The following ARSL variants were observed in gnomAD, a reference collection of about 807,000 sequenced individuals.
ARSL encodes the protein arylsulfatase L.
Under a neutral mutation model 31.1 loss-of-function variants are expected in ARSL, and 4 were observed. The observed-to-expected ratio is 0.13, with a 90% CI of 0.06 to 0.29. The LOEUF (loss-of-function observed/expected upper bound fraction) is 0.29. Ranked by LOEUF, ARSL falls within the 10% of genes least tolerant of loss-of-function variation. ARSL has a pLI of 1.00. For missense variants in ARSL, 312 were observed against 497.8 expected (o/e 0.63, Z 3.55); for synonymous variants, 198 against 209.9 (o/e 0.94, Z 0.49).
At position 2,934,724 on chromosome X, in the gene ARSL, T is replaced by C. The variant is rs1260492166; in HGVS notation, c.*108A>G. 1.7e-5 allele frequency: 12 copies of C among 706,000 alleles called. No individual in the cohort carries two copies. Among genetic ancestry groups the C allele is most frequent in the Non-Finnish European group, 2.6e-5 (12 of 468,059 alleles). The allele number at this position is 706,000 out of a possible 1,213,427, so 58.2% of individuals were successfully genotyped here. The stretch of plus-strand genomic sequence containing the variant: ...TTTGATCACGGGAGTGATCCTCCTG[T>C]GGTGGCCTCCTAAAGTGCTGGGATG... On this transcript the variant is annotated 3_prime_UTR_variant, in exon 11 of 11. Coordinates refer to ENST00000381134, the MANE Select transcript of ARSL (RefSeq NM_000047.3).
intron 2 of ARSL, chrX:2,959,719 A>G (rs2089577510): frequency 6.1e-6 from 7 of 1,143,588 alleles, no homozygotes; most frequent in Non-Finnish European, 8.1e-6. Context: ...CTCCAGATGC[A>G]GGATAAATCA....
intron 4 of ARSL, among the ~76,000 whole-genome samples, chrX:2,954,293 TTTTG>T (rs887991604): frequency 9.5e-4 from 105 of 111,098 alleles, no homozygotes; most frequent in Non-Finnish European, 1.6e-3. Context: ...CCAAGGGTTT[TTTTG>T]TTTGTTTGTT....
intron 1 of ARSL, among the ~76,000 whole-genome samples, chrX:2,963,855 T>C (rs1159472010): frequency 1.2e-4 from 13 of 110,017 alleles, no homozygotes; most frequent in Admixed American, 9.9e-4. Flanking sequence ...AATTTTTCTT[T>C]CTCCCGCAAT....
At chrX:2,942,217 G>A (rs1375189369) in intron 8 of ARSL, among the ~76,000 whole-genome samples, 4 of 111,919 alleles carry the variant, frequency 3.6e-5, no homozygotes, top group African/African-American at 9.7e-5. Flanking sequence ...AGACCTCCGC[G>A]ATTTAGCAGG....
intron 2 of ARSL, chrX:2,959,875 G>C: frequency 2.8e-6 from 1 of 351,153 alleles, no homozygotes; most frequent in Non-Finnish European, 4.7e-6. Context: ...GAGCAACATG[G>C]TGAGACCCTG....
chrX:2,949,324 C>T lies in ARSL; in HGVS notation c.834G>A (p.Glu278=), dbSNP rs775183384. Residue 278 remains glutamate (E), a synonymous_variant, in exon 6 of 11, where the codon GAG becomes GAA. Coordinates refer to ENST00000381134, the MANE Select transcript of ARSL (RefSeq NM_000047.3). ...CTGACCTTTTGAGAAAGGACGCAACCTCCTGCAGAATAAGGGGTGTCGTTC... is the reference window on the plus strand; with the variant it reads ...CTGACCTTTTGAGAAAGGACGCAACTTCCTGCAGAATAAGGGGTGTCGTTC... ...FQRTTPLILQ[E]VASFLKRNKH... The T allele has an allele frequency of 8.3e-7, 1 of 1,211,624 alleles. No individual in the cohort carries two copies.
chrX:2,936,388 G>A (rs745323247), intron 10 of ARSL, among the ~76,000 whole-genome samples: 36 of 111,519 alleles, frequency 3.2e-4, no homozygotes, highest in African/African-American at 1.1e-3. Context: ...GTGTGCGTGC[G>A]TGTGTGTATG....
At chrX:2,957,551 A>G (rs910304166) in intron 3 of ARSL, among the ~76,000 whole-genome samples, 4 of 108,817 alleles carry the variant, frequency 3.7e-5, no homozygotes, top group Non-Finnish European at 7.6e-5. Flanking sequence ...TCTACTAAAA[A>G]TAGAAAAATT....
intron 8 of ARSL, among the ~76,000 whole-genome samples, chrX:2,941,731 G>A (rs1318645682): frequency 7.1e-5 from 8 of 112,000 alleles, no homozygotes; most frequent in South Asian, 3.8e-4. Flanking sequence ...GTATTTGATT[G>A]CTGTCTCATG....
At chrX:2,952,635 G>C (rs939965176) in intron 5 of ARSL, among the ~76,000 whole-genome samples, 5 of 111,666 alleles carry the variant, frequency 4.5e-5, no homozygotes, top group African/African-American at 1.6e-4. Flanking sequence ...AACTAGCCAA[G>C]TTGATCCATA....
At position 2,944,221 on chromosome X, in the gene ARSL, T is replaced by C. The variant is rs370477530; in HGVS notation, c.992-1022A>G. Among the ~76,000 whole-genome samples, 275 of 108,372 alleles carry C rather than the reference T, an allele frequency of 2.5e-3. 2 individuals are homozygous for C. The highest frequency in any genetic ancestry group is 6.5e-3 in the African/African-American group (194 of 29,655). 94.1% of individuals were successfully genotyped at this position (108,372 alleles called of 115,157 possible). A position where few individuals can be genotyped will look rare whatever the true frequency, so the allele number is the denominator to read the frequency against. On this transcript the variant is annotated intron_variant, in intron 7 of 10. Transcript: ENST00000381134. ...CTGTAATCCCAGCACTTTGGGAGGC[T>C]GAGGCGGGCGGATCACAAGGTCAGC... is the stretch of plus-strand genomic sequence containing the variant.
chrX:2,965,861 G>A (rs1266305312), upstream of ARSL, among the ~76,000 whole-genome samples: 2 of 112,318 alleles, frequency 1.8e-5, no homozygotes, highest in Non-Finnish European at 1.9e-5. Context: ...AGACTGTGCC[G>A]CTGCACTCCA....
intron 5 of ARSL, among the ~76,000 whole-genome samples, chrX:2,951,614 CAAAAAAA>C (rs1164575386): frequency 6.9e-5 from 2 of 28,896 alleles, no homozygotes; most frequent in Admixed American, 1.0e-3. Context: ...CCCATCTCTA[CAAAAAAA>C]AAAAAAAAAA....
chrX:2,959,812 T>A, intron 2 of ARSL: 1 of 902,779 alleles, frequency 1.1e-6, no homozygotes, highest in South Asian at 3.1e-5. Context: ...TCTGAGCACG[T>A]TGGGAGGCCA....
At chrX:2,942,377 C>T (rs985645951) in intron 8 of ARSL, among the ~76,000 whole-genome samples, 8 of 111,260 alleles carry the variant, frequency 7.2e-5, no homozygotes, top group South Asian at 7.7e-4. Flanking sequence ...CTGCAACCTC[C>T]GCCTCCCAGG....
At chrX:2,955,342 C>T (rs762078121) in intron 4 of ARSL, 74 bp downstream of exon 4, 1 of 1,171,966 alleles carries the variant, frequency 8.5e-7, no homozygotes. Flanking sequence ...AATAAAAAAA[C>T]CAAAATGTAA....
At chrX:2,944,870 C>T (rs753512729) in intron 7 of ARSL, among the ~76,000 whole-genome samples, 93 of 109,731 alleles carry the variant, frequency 8.5e-4, no homozygotes, top group African/African-American at 3.0e-3. Flanking sequence ...AACACATGGT[C>T]ACGAAGAGAA....
At position 2,952,348 on chromosome X, in the gene ARSL, G is replaced by A. The variant is rs941172573; in HGVS notation, c.430+795C>T. On this transcript the variant is annotated intron_variant, in intron 5 of 10. Transcript: ENST00000381134. ...TTTTCTTTCTTTCTTTTTCTTTTTC[G>A]TAGAGACAGGGTTTCGCCATGCTGC... Among the ~76,000 whole-genome samples the A allele has an allele frequency of 8.6e-4, 94 of 109,258 alleles. 1 individual carries two copies. Among genetic ancestry groups the A allele is most frequent in the African/African-American group, 2.9e-3 (88 of 29,957 alleles). 94.9% of individuals were successfully genotyped at this position (109,258 alleles called of 115,157 possible).
rs138325310 is a variant in ARSL at position 2,958,173 on chromosome X, T to C, written c.185+101A>G. ...ACGCAGAAGTGCAGAACTCTTGAAG[T>C]GTGAACTGCCAAGATCAAGGGTTAT... is the stretch of plus-strand genomic sequence containing the variant. On this transcript the variant is annotated intron_variant, in intron 3 of 10. Transcript: ENST00000381134. The C allele has an allele frequency of 0.024, 26,054 of 1,068,177 alleles. 292 individuals carry two copies. The highest frequency in any genetic ancestry group is 0.028 in the Non-Finnish European group (22,314 of 784,045). The allele number at this position is 1,068,177 out of a possible 1,213,427, so 88.0% of individuals were successfully genotyped here.
Sources: gnomAD v4.1 joint callset for allele counts (sites outside exome capture counted in the v4.1 genomes callset) on GRCh38, gnomAD v4.1.1 for gene constraint, MANE v1.5 for transcripts, NCBI Gene and HGNC (gene_info 2026-07-23, HGNC 2026-07-21) for gene names.